NEGR1: variants seen among roughly 807,000 people sequenced by gnomAD.
The protein encoded by NEGR1 is IgLON family member 4.
Under a neutral mutation model 40.9 loss-of-function variants are expected in NEGR1, and 10 were observed. The observed-to-expected ratio is 0.24, with a 90% confidence interval of 0.15 to 0.42. The LOEUF is 0.42. Among genes scored for constraint, NEGR1 ranks in the 10% least tolerant of loss-of-function variants. The probability of loss-of-function intolerance (pLI) is 1.00; values close to 1 mark genes in which losing one functional copy is unlikely to be tolerated. For synonymous variants in NEGR1, 185 were observed against 166.8 expected, an observed-to-expected ratio of 1.11 and a Z score of -0.84; for missense variants, 352 against 438.9, an observed-to-expected ratio of 0.80 and a Z score of 1.77.
chr1:71,457,570 GT>G (rs532879719), intron 6 of NEGR1, among the ~76,000 whole-genome samples: 2 of 152,124 alleles, frequency 1.3e-5, no homozygotes, highest in Non-Finnish European at 1.5e-5. Context: ...TGTTTAGCAA[GT>G]TTTTTATTGC....
At chr1:72,257,873 C>T (rs942821182) in intron 1 of NEGR1, among the ~76,000 whole-genome samples, 2 of 152,118 alleles carry the variant, frequency 1.3e-5, no homozygotes, top group Admixed American at 1.3e-4. Context: ...AATCTCTTCC[C>T]CCAGATAAAT....
intron 1 of NEGR1, among the ~76,000 whole-genome samples, chr1:72,099,336 T>C (rs544056391): frequency 1.3e-5 from 2 of 152,136 alleles, no homozygotes; most frequent in African/African-American, 4.8e-5. Context: ...TATATTTTAG[T>C]GTATTTTATT....
intron 2 of NEGR1, among the ~76,000 whole-genome samples, chr1:71,854,253 C>T (rs1570434205): frequency 6.6e-6 from 1 of 152,024 alleles, no homozygotes; most frequent in African/African-American, 2.4e-5. Flanking sequence ...CTGCAAATTG[C>T]TCCCCCTGTG....
At chr1:71,654,044 T>C (rs912458080) in intron 4 of NEGR1, among the ~76,000 whole-genome samples, 4 of 152,054 alleles carry the variant, frequency 2.6e-5, no homozygotes, top group African/African-American at 9.7e-5. Flanking sequence ...TATAAAAAGA[T>C]GGGGAGGAAC....
At chr1:72,135,220 C>T (rs12047056) in intron 1 of NEGR1, among the ~76,000 whole-genome samples, 7,777 of 149,018 alleles carry the variant, frequency 0.052, 465 homozygotes, top group East Asian at 0.32. Flanking sequence ...ACTAAAAATA[C>T]AAAAAATTAG....
intron 2 of NEGR1, among the ~76,000 whole-genome samples, chr1:71,814,116 T>C (rs934630646): frequency 1.2e-4 from 18 of 152,086 alleles, no homozygotes; most frequent in Non-Finnish European, 2.4e-4. Flanking sequence ...AATACCTAGA[T>C]TATTGAGAGT....
At chr1:72,029,759 C>T (rs543228430) in intron 1 of NEGR1, among the ~76,000 whole-genome samples, 1 of 152,166 alleles carries the variant, frequency 6.6e-6, no homozygotes, top group East Asian at 1.9e-4. Flanking sequence ...TTCAAGAGTT[C>T]TTCGACAACC....
intron 6 of NEGR1, chr1:71,476,744 G>A (rs1644203149): frequency 6.6e-6 from 1 of 152,056 alleles, no homozygotes; most frequent in Non-Finnish European, 1.5e-5. Context: ...TTAATACTGG[G>A]ACTACATGTT....
chr1:71,749,652 G>T (rs1199405971), intron 3 of NEGR1, among the ~76,000 whole-genome samples: 1 of 152,108 alleles, frequency 6.6e-6, no homozygotes, highest in Non-Finnish European at 1.5e-5. Context: ...CTCGTCTTAG[G>T]TAAGAACAAC....
chr1:71,788,672 C>T (rs181879880), intron 2 of NEGR1, among the ~76,000 whole-genome samples: 4,542 of 151,262 alleles, frequency 0.03, 88 homozygotes, highest in Middle Eastern at 0.061. Flanking sequence ...GTATTGAATA[C>T]AAGCATGTGT....
At chr1:72,176,267 ATAAC>A (rs1652160477) in intron 1 of NEGR1, among the ~76,000 whole-genome samples, 1 of 152,104 alleles carries the variant, frequency 6.6e-6, no homozygotes, top group Non-Finnish European at 1.5e-5. Flanking sequence ...CTGTGACTAT[ATAAC>A]TTTTTGTAAG....
chr1:71,477,811 T>C (rs1244431622), intron 6 of NEGR1, among the ~76,000 whole-genome samples: 1 of 152,004 alleles, frequency 6.6e-6, no homozygotes, highest in African/African-American at 2.4e-5. Flanking sequence ...ATTTTGGCCT[T>C]TGATCTTACA....
At chr1:72,016,959 A>T (rs941709316) in intron 1 of NEGR1, among the ~76,000 whole-genome samples, 2 of 152,126 alleles carry the variant, frequency 1.3e-5, no homozygotes, top group Non-Finnish European at 2.9e-5. Flanking sequence ...AATTTATTGC[A>T]TTTGGTTTTA....
At chr1:71,846,993 A>G (rs1659440221) in intron 2 of NEGR1, among the ~76,000 whole-genome samples, 1 of 152,170 alleles carries the variant, frequency 6.6e-6, no homozygotes, top group Admixed American at 6.5e-5. Flanking sequence ...AAGCATTGCA[A>G]TGTTTTCTTC....
chr1:71,455,906 T>C (rs745553527), intron 6 of NEGR1, among the ~76,000 whole-genome samples: 3 of 152,214 alleles, frequency 2.0e-5, no homozygotes, highest in Non-Finnish European at 4.4e-5. Flanking sequence ...GTTTACAGTG[T>C]ATGTTTCACT....
chr1:71,560,426 C>A, intron 6 of NEGR1, among the ~76,000 whole-genome samples: 1 of 43,006 alleles, frequency 2.3e-5, no homozygotes, highest in African/African-American at 7.3e-5. Flanking sequence ...GTGTAATTCT[C>A]CATTATATAT....
intron 1 of NEGR1, among the ~76,000 whole-genome samples, chr1:72,279,127 A>G (rs970176545): frequency 2.0e-5 from 3 of 152,156 alleles, no homozygotes; most frequent in African/African-American, 4.8e-5. Flanking sequence ...TAAAATTATT[A>G]AGTGGAATGT....
chr1:71,647,970 A>G (rs1255659913), intron 4 of NEGR1, among the ~76,000 whole-genome samples: 2 of 152,026 alleles, frequency 1.3e-5, no homozygotes, highest in Admixed American at 1.3e-4. Context: ...CAGTAAGGAA[A>G]GAAGGTAAAA....
intron 6 of NEGR1, among the ~76,000 whole-genome samples, chr1:71,584,775 T>C (rs1649248249): frequency 6.6e-6 from 1 of 152,150 alleles, no homozygotes; most frequent in Admixed American, 6.6e-5. Flanking sequence ...AGGAAAGTCA[T>C]ACTGAAGAAA....
Sources: gnomAD v4.1 joint callset for allele counts (sites outside exome capture counted in the v4.1 genomes callset) on GRCh38, gnomAD v4.1.1 for gene constraint, MANE v1.5 for transcripts, NCBI Gene and HGNC (gene_info 2026-07-23, HGNC 2026-07-21) for gene names.